The following RNFT2 variants were observed in gnomAD, a reference collection of about 807,000 sequenced individuals.
The protein encoded by RNFT2 is E3 ubiquitin-protein ligase RNFT2.
A neutral mutation model predicts 53.0 loss-of-function variants in RNFT2; 36 were observed. The observed-to-expected ratio is 0.68, with a 90% CI of 0.52 to 0.90. The LOEUF (loss-of-function observed/expected upper bound fraction) is 0.90, where lower values mean the gene tolerates loss of function less well. Ranked by LOEUF, RNFT2 falls within the 40% of genes least tolerant of loss-of-function variation. The probability of loss-of-function intolerance (pLI) is 0.00; values close to 1 mark genes in which losing one functional copy is unlikely to be tolerated. For missense variants in RNFT2, 514 were observed against 585.6 expected, an observed-to-expected ratio of 0.88 and a Z score of 1.26; for synonymous variants, 260 against 253.2, an observed-to-expected ratio of 1.03 and a Z score of -0.26.
At chr12:116,751,062 G>A (rs1260060336) in intron 4 of RNFT2, among the ~76,000 whole-genome samples, 1 of 150,248 alleles carries the variant, frequency 6.7e-6, no homozygotes, top group East Asian at 2.0e-4. Flanking sequence ...CTACAGGCGT[G>A]TGCCACCACA....
intron 7 of RNFT2, among the ~76,000 whole-genome samples, chr12:116,780,953 C>G (rs1463095469): frequency 6.6e-6 from 1 of 152,142 alleles, no homozygotes; most frequent in Non-Finnish European, 1.5e-5. Context: ...TGACAAAAAC[C>G]TAGTTTCCTC....
At chr12:116,791,461 G>A (rs538967003) in intron 7 of RNFT2, among the ~76,000 whole-genome samples, 4 of 152,180 alleles carry the variant, frequency 2.6e-5, no homozygotes, top group Admixed American at 6.5e-5. Flanking sequence ...ACAGGAGTGC[G>A]CCACCAGGCC....
At chr12:116,750,819 TTATATATA>T (rs1477480685) in intron 4 of RNFT2, among the ~76,000 whole-genome samples, 1 of 4,338 alleles carries the variant, frequency 2.3e-4, no homozygotes, top group Non-Finnish European at 1.0e-3. Context: ...AATATATATA[TTATATATA>T]TAATATATAT....
chr12:116,827,837 A>C (rs1473183529), intron 7 of RNFT2, among the ~76,000 whole-genome samples: 1 of 152,264 alleles, frequency 6.6e-6, no homozygotes, highest in East Asian at 1.9e-4. Flanking sequence ...CAGGGGCCTG[A>C]GAATTGGAAG....
At chr12:116,821,058 C>T (rs79770698) in intron 7 of RNFT2, among the ~76,000 whole-genome samples, 190 of 152,190 alleles carry the variant, frequency 1.2e-3, no homozygotes, top group African/African-American at 4.3e-3. Flanking sequence ...ATTGGTGTGC[C>T]GTTCCTGGCC....
intron 7 of RNFT2, among the ~76,000 whole-genome samples, chr12:116,799,426 T>C (rs1874659498): frequency 6.6e-6 from 1 of 152,234 alleles, no homozygotes; most frequent in African/African-American, 2.4e-5. Context: ...TCGTGTAGCC[T>C]GTAATATGAT....
intron 7 of RNFT2, among the ~76,000 whole-genome samples, chr12:116,808,297 C>T (rs1875184910): frequency 1.3e-5 from 2 of 152,030 alleles, no homozygotes; most frequent in South Asian, 2.1e-4. Flanking sequence ...GCTGCATTGC[C>T]CAGGCTGGTG....
intron 10 of RNFT2, among the ~76,000 whole-genome samples, chr12:116,841,394 A>G (rs1346394226): frequency 6.6e-6 from 1 of 152,072 alleles, no homozygotes; most frequent in East Asian, 1.9e-4. Context: ...CGGAGGCTGC[A>G]GTGAGCCGAG....
chr12:116,806,378 AAAAATATATATAT>A (rs1201499534), intron 7 of RNFT2, among the ~76,000 whole-genome samples: 1 of 132,580 alleles, frequency 7.5e-6, no homozygotes, highest in African/African-American at 3.4e-5. Context: ...AAAAAAAAAA[AAAAATATATATAT>A]ATATATATAG....
chr12:116,837,096 T>A (rs1353609584), intron 10 of RNFT2, among the ~76,000 whole-genome samples: 1 of 152,218 alleles, frequency 6.6e-6, no homozygotes, highest in African/African-American at 2.4e-5. Flanking sequence ...TTTTTATTAG[T>A]CGTGGGTCAC....
chr12:116,814,937 T>C (rs576694203), intron 7 of RNFT2, among the ~76,000 whole-genome samples: 1 of 152,308 alleles, frequency 6.6e-6, no homozygotes, highest in South Asian at 2.1e-4. Flanking sequence ...GGTTTCACTA[T>C]GTTAGCCAGG....
chr12:116,786,040 A>G (rs1486987612), intron 7 of RNFT2, among the ~76,000 whole-genome samples: 1 of 152,046 alleles, frequency 6.6e-6, no homozygotes, highest in Admixed American at 6.6e-5. Context: ...CAATAGAGCC[A>G]GCCTCTCAGT....
rs115783561 is a variant in RNFT2 at position 116,851,173 on chromosome 12, G to A, written c.*1725G>A. 3.5e-3 allele frequency: 525 copies of A among 152,116 alleles called. No homozygotes were observed. Among genetic ancestry groups the A allele is most frequent in the African/African-American group, 0.012 (478 of 41,436 alleles). 9.4% of individuals were successfully genotyped at this position (152,116 alleles called of 1,614,324 possible). ...CCAGGGTCACCCAGCCAGCATGGGCGGGCCAAGTTTCCAACAGAGGCCTGG... is the reference window on the plus strand; with the variant it reads ...CCAGGGTCACCCAGCCAGCATGGGCAGGCCAAGTTTCCAACAGAGGCCTGG... On this transcript the variant is annotated 3_prime_UTR_variant, in exon 11 of 11. Transcript: ENST00000257575.
intron 7 of RNFT2, among the ~76,000 whole-genome samples, chr12:116,789,678 G>A (rs1237044017): frequency 7.1e-6 from 1 of 141,352 alleles, no homozygotes; most frequent in African/African-American, 2.7e-5. Flanking sequence ...TAAATGGGAG[G>A]AGAGTAGAGG....
At chr12:116,815,036 G>A (rs999461990) in intron 7 of RNFT2, among the ~76,000 whole-genome samples, 1 of 152,150 alleles carries the variant, frequency 6.6e-6, no homozygotes, top group Non-Finnish European at 1.5e-5. Context: ...GCGCCCAGCC[G>A]AGATTCTTAG....
At chr12:116,797,302 G>A (rs1457511979) in intron 7 of RNFT2, among the ~76,000 whole-genome samples, 1 of 152,170 alleles carries the variant, frequency 6.6e-6, no homozygotes, top group Admixed American at 6.6e-5. Context: ...GGTCATTCCT[G>A]TAATCCCAGC....
At chr12:116,795,238 T>A (rs1217758698) in intron 7 of RNFT2, among the ~76,000 whole-genome samples, 2 of 151,836 alleles carry the variant, frequency 1.3e-5, no homozygotes, top group Non-Finnish European at 2.9e-5. Flanking sequence ...AAACCCTATC[T>A]CTACCATAAA....
chr12:116,790,614 T>C (rs967737347), intron 7 of RNFT2, among the ~76,000 whole-genome samples: 3 of 152,236 alleles, frequency 2.0e-5, no homozygotes, highest in Admixed American at 1.3e-4. Flanking sequence ...GGAAATGCTG[T>C]TGTCTTGATT....
At chr12:116,810,440 A>T (rs1186580128) in intron 7 of RNFT2, among the ~76,000 whole-genome samples, 1 of 152,130 alleles carries the variant, frequency 6.6e-6, no homozygotes, top group East Asian at 1.9e-4. Context: ...TCTAAGCTCC[A>T]TGGGGGCAGA....
Sources: gnomAD v4.1 joint callset for allele counts (sites outside exome capture counted in the v4.1 genomes callset) on GRCh38, gnomAD v4.1.1 for gene constraint, MANE v1.5 for transcripts, NCBI Gene and HGNC (gene_info 2026-07-23, HGNC 2026-07-21) for gene names.